Variants in FOCAD observed in about 807,000 individuals in gnomAD.
The protein encoded by FOCAD is KIAA1797.
In FOCAD, 198 loss-of-function variants were observed where a neutral mutation model predicts 225.6. The ratio of observed to expected loss-of-function variants is 0.88; its 90% CI spans 0.78 to 0.99. The LOEUF (loss-of-function observed/expected upper bound fraction) is 0.99. FOCAD is among the 50% of genes least tolerant of loss of function. FOCAD has a pLI of 0.00. For missense variants in FOCAD, 2,713 were observed against 2,123.6 expected (o/e 1.28, Z -5.46); for synonymous variants, 897 against 755.0 (o/e 1.19, Z -3.08).
intron 15 of FOCAD, among the ~76,000 whole-genome samples, chr9:20,838,141 A>G (rs1159288435): frequency 1.3e-5 from 2 of 152,134 alleles, no homozygotes; most frequent in Non-Finnish European, 2.9e-5. Context: ...GAAACGTTAT[A>G]GTTGAAGGAA....
Position 20,866,917 on chromosome 9 carries a change from T to TTTTTTTTTTTTTTAAAAAAAAA in FOCAD, c.2107-12_2107-11insTTTTTTTTTTTTTAAAAAAAAA. 1.3e-6 allele frequency: 1 copy of TTTTTTTTTTTTTTAAAAAAAAA among 764,964 alleles called. No individual in the cohort carries two copies. Among genetic ancestry groups the TTTTTTTTTTTTTTAAAAAAAAA allele is most frequent in the Non-Finnish European group, 2.0e-6 (1 of 498,462 alleles). The allele number at this position is 764,964 out of a possible 1,614,324, so 47.4% of individuals were successfully genotyped here. On this transcript the variant is annotated splice_polypyrimidine_tract_variant and intron_variant, in intron 17 of 43. Transcript: ENST00000338382. The stretch of plus-strand genomic sequence containing the variant: ...TTTTTTTTTTTTTTTTTTTTTTTTT[T>TTTTTTTTTTTTTTAAAAAAAAA]ACCCTATCTAGGACCCAATTGTAGC...
chr9:20,866,076 G>A, intron 17 of FOCAD, 100 bp downstream of exon 17: 1 of 973,044 alleles, frequency 1.0e-6, no homozygotes, highest in Non-Finnish European at 1.5e-6. Context: ...CAACTGCCTT[G>A]AAATAATGGG....
intron 37 of FOCAD, among the ~76,000 whole-genome samples, chr9:20,980,577 G>A (rs1840605776): frequency 6.6e-6 from 1 of 152,146 alleles, no homozygotes; most frequent in African/African-American, 2.4e-5. Flanking sequence ...ATGAGGTCTT[G>A]AGAAAACTCA....
At chr9:20,742,107 G>A (rs563004364) in intron 5 of FOCAD, among the ~76,000 whole-genome samples, 18 of 152,166 alleles carry the variant, frequency 1.2e-4, no homozygotes, top group South Asian at 6.2e-4. Flanking sequence ...CCAATTAGCC[G>A]TCACTCCATA....
At chr9:20,670,609 A>G (rs1563866548) in intron 2 of FOCAD, among the ~76,000 whole-genome samples, 2 of 152,166 alleles carry the variant, frequency 1.3e-5, no homozygotes, top group Non-Finnish European at 1.5e-5. Flanking sequence ...CACCCTCATA[A>G]TCCAATCACT....
intron 1 of FOCAD, among the ~76,000 whole-genome samples, chr9:20,697,722 A>T (rs1823490749): frequency 1.3e-5 from 2 of 152,228 alleles, no homozygotes; most frequent in Admixed American, 6.5e-5. Context: ...TTGTGTTTGA[A>T]TTTGGAAAAT....
At chr9:20,788,918 C>G (rs143794136) in intron 10 of FOCAD, among the ~76,000 whole-genome samples, 2 of 152,278 alleles carry the variant, frequency 1.3e-5, no homozygotes, top group East Asian at 3.9e-4. Flanking sequence ...ATGAATTGTC[C>G]TCAGTCCAAG....
At chr9:20,947,278 T>C (rs1437136223) in intron 30 of FOCAD, among the ~76,000 whole-genome samples, 1 of 152,206 alleles carries the variant, frequency 6.6e-6, no homozygotes, top group South Asian at 2.1e-4. Flanking sequence ...CTAAATTAAG[T>C]AACCTTAAAA....
intron 22 of FOCAD, among the ~76,000 whole-genome samples, chr9:20,908,972 T>C (rs1833210244): frequency 6.6e-6 from 1 of 152,078 alleles, no homozygotes; most frequent in African/African-American, 2.4e-5. Context: ...GTACAGTATC[T>C]TTGATGCATT....
intron 2 of FOCAD, among the ~76,000 whole-genome samples, chr9:20,670,649 G>T (rs998821588): frequency 6.6e-6 from 1 of 152,186 alleles, no homozygotes; most frequent in Non-Finnish European, 1.5e-5. Flanking sequence ...TGACAGACAC[G>T]TGAGGATGAC....
rs1334758105 is a variant in FOCAD at position 20,842,614 on chromosome 9, A to G, written c.1920+19499A>G. Among the ~76,000 whole-genome samples the G allele has an allele frequency of 2.6e-5, 4 of 151,700 alleles. No homozygotes were observed. In the East Asian group the frequency reaches 5.8e-4, roughly 22 times the overall value. On this transcript the variant is annotated intron_variant, in intron 15 of 43. Coordinates refer to ENST00000338382, the MANE Select transcript of FOCAD (RefSeq NM_001375567.1). Reference sequence around the variant, plus strand: ...TTTATTTCAGTCTATGTCTGACTCTATAGGTTAAGTATGTTTCTTGTAGAC... The same window carrying G: ...TTTATTTCAGTCTATGTCTGACTCTGTAGGTTAAGTATGTTTCTTGTAGAC...
intron 5 of FOCAD, 36 bp downstream of exon 5, chr9:20,740,376 TGAA>T: frequency 8.5e-7 from 1 of 1,176,532 alleles, no homozygotes; most frequent in Non-Finnish European, 1.2e-6. Context: ...TAAACAAATA[TGAA>T]TTTTTAATGA....
In FOCAD at chr9:20,964,890, A is replaced by G. The variant is rs892305198; in HGVS notation, c.4133-11530A>G. Among the ~76,000 whole-genome samples, 8 of 152,254 alleles carry G rather than the reference A, an allele frequency of 5.3e-5. 2 individuals carry two copies. The highest frequency in any genetic ancestry group is 5.2e-4 in the Admixed American group (8 of 15,284). ...GGAGAGAAGCATCACTGGAAGGCGC[A>G]CTACTATACCTGTTGGCAGGAGGGA... On this transcript the variant is annotated intron_variant, in intron 35 of 43. Coordinates refer to ENST00000338382, the MANE Select transcript of FOCAD (RefSeq NM_001375567.1).
chr9:20,944,351 G>C (rs928257306), intron 28 of FOCAD, among the ~76,000 whole-genome samples: 1 of 152,162 alleles, frequency 6.6e-6, no homozygotes, highest in South Asian at 2.1e-4. Flanking sequence ...CACCCATAAA[G>C]TTTAAGTCAA....
intron 4 of FOCAD, among the ~76,000 whole-genome samples, chr9:20,723,088 C>A (rs7046563): frequency 0.43 from 65,518 of 151,980 alleles, 14,370 homozygotes; most frequent in African/African-American, 0.5. Context: ...TTAATTCTTC[C>A]TCCCTATTGT....
intron 15 of FOCAD, among the ~76,000 whole-genome samples, chr9:20,847,495 A>G (rs1415317950): frequency 1.4e-5 from 2 of 147,834 alleles, no homozygotes; most frequent in Non-Finnish European, 1.5e-5. Flanking sequence ...TTTTAGATTC[A>G]TGCAGTATTG....
At chr9:20,953,440 A>G (rs1837863963) in intron 35 of FOCAD, among the ~76,000 whole-genome samples, 2 of 152,190 alleles carry the variant, frequency 1.3e-5, no homozygotes, top group African/African-American at 4.8e-5. Flanking sequence ...CTGTCTTGCA[A>G]GTAGATCTTC....
intron 21 of FOCAD, among the ~76,000 whole-genome samples, chr9:20,891,470 C>T (rs372503869): frequency 3.9e-5 from 6 of 152,178 alleles, no homozygotes; most frequent in Non-Finnish European, 7.4e-5. Context: ...AAATGTGCTA[C>T]TCCAGTGAAC....
At position 20,911,112 on chromosome 9, in the gene FOCAD, T is replaced by C. The variant is rs1048539625; in HGVS notation, c.2719-1754T>C. ...TAAGAAGCATAACTGAGACAGGCAA[T>C]AAAAATTGTTTTATACTTTGTTTTG... On this transcript the variant is annotated intron_variant, in intron 22 of 43. Coordinates refer to ENST00000338382, the MANE Select transcript of FOCAD (RefSeq NM_001375567.1). Among the ~76,000 whole-genome samples the C allele has an allele frequency of 2.0e-4, 30 of 152,094 alleles. 1 individual carries two copies. The highest frequency in any genetic ancestry group is 1.2e-3 in the Admixed American group (18 of 15,252).
Sources: gnomAD v4.1 joint callset for allele counts (sites outside exome capture counted in the v4.1 genomes callset) on GRCh38, gnomAD v4.1.1 for gene constraint, MANE v1.5 for transcripts, NCBI Gene and HGNC (gene_info 2026-07-23, HGNC 2026-07-21) for gene names.